The following MCC variants were observed in gnomAD, a reference collection of about 807,000 sequenced individuals.
The protein encoded by MCC is colorectal mutant cancer protein.
A neutral mutation model predicts 116.2 loss-of-function variants in MCC; 90 were observed. That is an observed-to-expected ratio of 0.77 (90% CI 0.65 to 0.92). The LOEUF is 0.92. Ranked by LOEUF, MCC falls within the 40% of genes least tolerant of loss-of-function variation. The probability of loss-of-function intolerance (pLI) is 0.00; values close to 1 mark genes in which losing one functional copy is unlikely to be tolerated. For missense variants in MCC, 1,516 were observed against 1,312.2 expected, an observed-to-expected ratio of 1.16 and a Z score of -2.40; for synonymous variants, 578 against 510.5, an observed-to-expected ratio of 1.13 and a Z score of -1.78.
chr5:113,143,817 T>C (rs1387360234), intron 4 of MCC, among the ~76,000 whole-genome samples: 1 of 152,206 alleles, frequency 6.6e-6, no homozygotes, highest in African/African-American at 2.4e-5. Flanking sequence ...CCTTCCCAAG[T>C]TCCTTTATGG....
chr5:113,401,857 A>C (rs1769696726), intron 1 of MCC, among the ~76,000 whole-genome samples: 1 of 151,592 alleles, frequency 6.6e-6, no homozygotes, highest in South Asian at 2.1e-4. Context: ...AATTATTATT[A>C]CTATTTTTTT....
intron 3 of MCC, among the ~76,000 whole-genome samples, chr5:113,273,695 C>T (rs6878329): frequency 0.033 from 5,077 of 152,114 alleles, 229 homozygotes; most frequent in African/African-American, 0.1. Flanking sequence ...CAAGGAGAAT[C>T]AGCTGTACTA....
In MCC at chr5:113,072,860, C is replaced by T. The variant is rs1369625109; in HGVS notation, c.1785-1626G>A. On this transcript the variant is annotated intron_variant, in intron 11 of 18. Transcript: ENST00000408903. ...CTCACATATCCAGCTGCCTTCCTGA[C>T]ATTTCCTTTTGCTGTCACATTGCCA... is the stretch of plus-strand genomic sequence containing the variant. 2.6e-5 allele frequency among the ~76,000 whole-genome samples: 4 copies of T among 152,140 alleles called. No homozygotes were observed. The East Asian group carries it at 5.8e-4, about 22-fold the overall frequency.
chr5:113,064,073 C>T lies in MCC; in HGVS notation c.2124G>A (p.Met708Ile). The change falls in exon 14 of 19, where the codon ATG becomes ATA. Residue 708 changes from methionine (M) to isoleucine (I), a missense_variant. Physicochemically the swap from Met to Ile is conservative, Grantham distance 10 (BLOSUM62 1). Transcript: ENST00000408903. ...CTCCCCCACAGCTGCCGTCCAGCTT[C>T]ATGAGCAGGGCCTTGGCAGCGTTCT... ...TAENAAKALL[M>I]KLDGSCGGAF... 6.2e-7 allele frequency: 1 copy of T among 1,614,250 alleles called. No individual in the cohort carries two copies. Among genetic ancestry groups the T allele is most frequent in the Non-Finnish European group, 8.5e-7 (1 of 1,180,042 alleles).
At chr5:113,477,816 C>G (rs922894683) in intron 1 of MCC, among the ~76,000 whole-genome samples, 1 of 152,148 alleles carries the variant, frequency 6.6e-6, no homozygotes, top group African/African-American at 2.4e-5. Flanking sequence ...AACTCAACTG[C>G]AAGCCACAAC....
At chr5:113,327,626 T>C (rs1395685099) in intron 3 of MCC, among the ~76,000 whole-genome samples, 2 of 146,792 alleles carry the variant, frequency 1.4e-5, no homozygotes, top group Non-Finnish European at 3.0e-5. Context: ...TACTAAGATA[T>C]TGCCTACCAA....
chr5:113,245,761 A>C (rs1764550570), intron 3 of MCC, among the ~76,000 whole-genome samples: 1 of 152,182 alleles, frequency 6.6e-6, no homozygotes, highest in Non-Finnish European at 1.5e-5. Flanking sequence ...CCCACAAATG[A>C]TGGAAAATCC....
intron 1 of MCC, among the ~76,000 whole-genome samples, chr5:113,408,143 G>A (rs1214894853): frequency 6.6e-6 from 1 of 152,118 alleles, no homozygotes; most frequent in South Asian, 2.1e-4. Flanking sequence ...GACAGATAAG[G>A]TTCCTCATCT....
chr5:113,296,585 G>A (rs1294819698), intron 3 of MCC, among the ~76,000 whole-genome samples: 1 of 152,140 alleles, frequency 6.6e-6, no homozygotes. Flanking sequence ...TGTGCAGAGC[G>A]GGCATGGGGA....
intron 3 of MCC, chr5:113,294,817 C>G (rs1191871986): frequency 3.0e-5 from 30 of 986,370 alleles, no homozygotes; most frequent in Non-Finnish European, 3.6e-5. Flanking sequence ...CCCGAAAAAA[C>G]TAGGGCGGTG....
At chr5:113,158,797 C>T (rs1760318507) in intron 3 of MCC, among the ~76,000 whole-genome samples, 1 of 152,232 alleles carries the variant, frequency 6.6e-6, no homozygotes, top group Non-Finnish European at 1.5e-5. Context: ...TCCAACCTAA[C>T]AGTACCGGAG....
At chr5:113,050,057 A>G (rs1441980051) in intron 15 of MCC, among the ~76,000 whole-genome samples, 1 of 152,360 alleles carries the variant, frequency 6.6e-6, no homozygotes, top group Admixed American at 6.5e-5. Context: ...AGCACGTGGC[A>G]CTGTGCTAAG....
chr5:113,308,482 C>T (rs1767048387), intron 3 of MCC, among the ~76,000 whole-genome samples: 1 of 152,160 alleles, frequency 6.6e-6, no homozygotes, highest in South Asian at 2.1e-4. Context: ...TGCCCCATCC[C>T]CATCTCTAAA....
At chr5:113,486,781 G>A (rs1395987097) in intron 1 of MCC, among the ~76,000 whole-genome samples, 2 of 151,676 alleles carry the variant, frequency 1.3e-5, no homozygotes, top group East Asian at 3.9e-4. Flanking sequence ...GGCGGAGGTT[G>A]CAGTGAGCCA....
chr5:113,324,890 T>C (rs1198980438), intron 3 of MCC, among the ~76,000 whole-genome samples: 1 of 151,550 alleles, frequency 6.6e-6, no homozygotes, highest in Non-Finnish European at 1.5e-5. Context: ...TAGAGTGCGG[T>C]GGTGCAGTCA....
intron 1 of MCC, among the ~76,000 whole-genome samples, chr5:113,444,801 G>C (rs1172012378): frequency 2.0e-5 from 3 of 152,142 alleles, no homozygotes; most frequent in Non-Finnish European, 4.4e-5. Flanking sequence ...CCTTGCATCA[G>C]TTTCTGGGCC....
intron 2 of MCC, among the ~76,000 whole-genome samples, chr5:113,368,250 T>C (rs1405782109): frequency 7.3e-5 from 11 of 151,368 alleles, no homozygotes; most frequent in Non-Finnish European, 2.9e-5. Flanking sequence ...ATTTCCTCTC[T>C]GAAAATTTGA....
At chr5:113,084,066 G>C (rs752132455) in intron 10 of MCC, 35 bp downstream of exon 10, 1 of 1,528,640 alleles carries the variant, frequency 6.5e-7, no homozygotes, top group Non-Finnish European at 9.1e-7. Context: ...AGCTCTGCCG[G>C]GTACTTTCTT....
At position 113,400,204 on chromosome 5, in the gene MCC, C is replaced by G. The variant is rs796865539; in HGVS notation, c.171-14992G>C. On this transcript the variant is annotated intron_variant, in intron 1 of 18. Transcript: ENST00000408903. ...GTGGTGCGATCTTGGCTCACTGAAA[C>G]CTTCCCCTCCCGGGTTCAAGTGATT... 1.5e-4 allele frequency among the ~76,000 whole-genome samples: 20 copies of G among 131,518 alleles called. 1 individual carries two copies. Among genetic ancestry groups the G allele is most frequent in the African/African-American group, 6.0e-4 (20 of 33,142 alleles). 86.3% of individuals were successfully genotyped at this position (131,518 alleles called of 152,430 possible).
Sources: gnomAD v4.1 joint callset for allele counts (sites outside exome capture counted in the v4.1 genomes callset) on GRCh38, gnomAD v4.1.1 for gene constraint, MANE v1.5 for transcripts, NCBI Gene and HGNC (gene_info 2026-07-23, HGNC 2026-07-21) for gene names.